Variants in KIAA1328 observed in about 807,000 individuals in gnomAD.
KIAA1328 encodes KIAA1328.
Under a neutral mutation model 68.1 loss-of-function variants are expected in KIAA1328, and 52 were observed. That is an observed-to-expected ratio of 0.76 (90% CI 0.61 to 0.96). The LOEUF (loss-of-function observed/expected upper bound fraction) is 0.96. Ranked by LOEUF, KIAA1328 falls within the 40% of genes least tolerant of loss-of-function variation. The pLI is 0.00. For synonymous variants in KIAA1328, 232 were observed against 239.4 expected (o/e 0.97, Z 0.28); for missense variants, 641 against 677.6 (o/e 0.95, Z 0.60).
intron 5 of KIAA1328, among the ~76,000 whole-genome samples, chr18:36,901,257 G>A (rs2049028553): frequency 6.6e-6 from 1 of 151,768 alleles, no homozygotes; most frequent in African/African-American, 2.4e-5. Context: ...AATGTTCTTG[G>A]GCATCTTAGC....
At chr18:36,985,593 A>G (rs1370404469) in intron 6 of KIAA1328, among the ~76,000 whole-genome samples, 1 of 152,212 alleles carries the variant, frequency 6.6e-6, no homozygotes, top group Non-Finnish European at 1.5e-5. Flanking sequence ...ATGACATTCA[A>G]CGGAGGAAGA....
intron 5 of KIAA1328, among the ~76,000 whole-genome samples, chr18:36,902,814 G>A (rs953223892): frequency 6.6e-6 from 1 of 151,926 alleles, no homozygotes; most frequent in African/African-American, 2.4e-5. Context: ...AAGGCTGTGG[G>A]GACTCTTTGG....
chr18:37,198,727 A>G (rs2060050925), intron 9 of KIAA1328, among the ~76,000 whole-genome samples: 1 of 152,200 alleles, frequency 6.6e-6, no homozygotes, highest in Non-Finnish European at 1.5e-5. Context: ...TGCCAAAATG[A>G]AAGACTTGTA....
chr18:36,948,303 C>T (rs1269646137), intron 5 of KIAA1328, among the ~76,000 whole-genome samples: 14 of 137,644 alleles, frequency 1.0e-4, no homozygotes, highest in African/African-American at 3.8e-4. Flanking sequence ...TACTCTGTCT[C>T]CAGGCTGGAG....
At chr18:37,012,799 T>C (rs1409493618) in intron 6 of KIAA1328, among the ~76,000 whole-genome samples, 1 of 152,208 alleles carries the variant, frequency 6.6e-6, no homozygotes, top group Non-Finnish European at 1.5e-5. Context: ...TAATAATCTA[T>C]ATTGCAGTTT....
At chr18:37,115,563 G>C (rs1259590093) in intron 7 of KIAA1328, among the ~76,000 whole-genome samples, 1 of 152,168 alleles carries the variant, frequency 6.6e-6, no homozygotes, top group Non-Finnish European at 1.5e-5. Flanking sequence ...ATATCATACT[G>C]AATGGGCAAA....
chr18:37,177,784 T>C (rs917776764), intron 9 of KIAA1328, among the ~76,000 whole-genome samples: 10 of 152,112 alleles, frequency 6.6e-5, no homozygotes, highest in African/African-American at 2.4e-4. Flanking sequence ...AGTACATACT[T>C]TGAGGGACTT....
At position 36,876,213 on chromosome 18, in the gene KIAA1328, A is replaced by C. The variant is rs147665946; in HGVS notation, c.333-9344A>C. ...GTTAGGCAGGAGTCCCTCTTTTTCTATTGTTTGGAATAGTTTCCAAAGGAA... is the reference window on the plus strand; with the variant it reads ...GTTAGGCAGGAGTCCCTCTTTTTCTCTTGTTTGGAATAGTTTCCAAAGGAA... On this transcript the variant is annotated intron_variant, in intron 4 of 9. Coordinates refer to ENST00000280020, the MANE Select transcript of KIAA1328 (RefSeq NM_020776.3). 9.0e-4 allele frequency among the ~76,000 whole-genome samples: 137 copies of C among 151,990 alleles called. 1 individual carries two copies. In the East Asian group the frequency reaches 0.024, roughly 26 times the overall value.
chr18:37,013,314 A>T (rs1477377147), intron 6 of KIAA1328, among the ~76,000 whole-genome samples: 2 of 152,142 alleles, frequency 1.3e-5, no homozygotes, highest in African/African-American at 4.8e-5. Context: ...AGACTTCCTC[A>T]TATATAAAAT....
chr18:36,925,955 C>T (rs1598731924), intron 5 of KIAA1328, among the ~76,000 whole-genome samples: 1 of 151,984 alleles, frequency 6.6e-6, no homozygotes, highest in East Asian at 1.9e-4. Flanking sequence ...ACCCCCTTTC[C>T]ACTTTGATTT....
chr18:37,216,899 C>CTTTTTTTTTTTTTTT (rs762745405), intron 9 of KIAA1328, among the ~76,000 whole-genome samples: 1 of 90,360 alleles, frequency 1.1e-5, no homozygotes, highest in Non-Finnish European at 2.2e-5. Flanking sequence ...TTCTTTGTCT[C>CTTTTTTTTTTTTTTT]TTTTTTTTTT....
intron 7 of KIAA1328, among the ~76,000 whole-genome samples, chr18:37,127,119 A>G (rs768013194): frequency 3.3e-5 from 5 of 152,222 alleles, no homozygotes; most frequent in Non-Finnish European, 7.3e-5. Context: ...GAAAGGAAGT[A>G]GAACTTTGTT....
chr18:36,939,581 C>CT (rs1019326604), intron 5 of KIAA1328, among the ~76,000 whole-genome samples: 2 of 151,908 alleles, frequency 1.3e-5, no homozygotes, highest in African/African-American at 2.4e-5. Flanking sequence ...ATGCCTTTTA[C>CT]TTTTTTTTCT....
At position 37,185,714 on chromosome 18, in the gene KIAA1328, G is replaced by GAT. The variant is rs928147086; in HGVS notation, c.1523+12639_1523+12640dup. On this transcript the variant is annotated intron_variant, in intron 9 of 9. Coordinates refer to ENST00000280020, the MANE Select transcript of KIAA1328 (RefSeq NM_020776.3). ...ATATATATATACGTATATACCTACT[G>GAT]ATATATACACACACACACACACACA... Among the ~76,000 whole-genome samples the GAT allele has an allele frequency of 3.1e-4, 42 of 133,462 alleles. No individual in the cohort carries two copies. The East Asian group carries it at 5.6e-3, about 18-fold the overall frequency. 87.6% of individuals were successfully genotyped at this position (133,462 alleles called of 152,430 possible).
chr18:37,220,574 G>A (rs2060538932), intron 9 of KIAA1328, among the ~76,000 whole-genome samples: 1 of 152,022 alleles, frequency 6.6e-6, no homozygotes, highest in South Asian at 2.1e-4. Context: ...TCATTGTAAT[G>A]TCCACGTGTA....
chr18:37,127,612 G>A (rs2058424139), intron 7 of KIAA1328, among the ~76,000 whole-genome samples: 1 of 151,960 alleles, frequency 6.6e-6, no homozygotes, highest in African/African-American at 2.4e-5. Context: ...AGCAATGCCG[G>A]GTTCATGAAT....
At chr18:36,916,524 A>G (rs929507469) in intron 5 of KIAA1328, among the ~76,000 whole-genome samples, 8 of 152,106 alleles carry the variant, frequency 5.3e-5, no homozygotes, top group African/African-American at 1.9e-4. Flanking sequence ...TCTCTTTTAG[A>G]TAACTCCAAA....
intron 7 of KIAA1328, among the ~76,000 whole-genome samples, chr18:37,119,716 TTGTGTGTG>T (rs147067729): frequency 5.3e-5 from 8 of 151,614 alleles, no homozygotes; most frequent in African/African-American, 1.9e-4. Flanking sequence ...TAGTGTGTGT[TTGTGTGTG>T]TGTGTGAATG....
chr18:37,146,035 T>C (rs1000460627), intron 7 of KIAA1328, among the ~76,000 whole-genome samples: 1 of 152,174 alleles, frequency 6.6e-6, no homozygotes, highest in African/African-American at 2.4e-5. Flanking sequence ...TATTCATTGC[T>C]GTTTCTCCTT....
Sources: allele counts gnomAD v4.1 joint callset (sites outside exome capture counted in the v4.1 genomes callset), GRCh38; gene constraint gnomAD v4.1.1; transcripts MANE v1.5; gene names NCBI Gene and HGNC (gene_info 2026-07-23, HGNC 2026-07-21).